Variants in TIAM2 observed in about 807,000 individuals in gnomAD.
TIAM2 encodes the protein rho guanine nucleotide exchange factor TIAM2.
Under a neutral mutation model 152.9 loss-of-function variants are expected in TIAM2, and 80 were observed. The observed-to-expected ratio is 0.52, with a 90% CI of 0.44 to 0.63. The LOEUF (loss-of-function observed/expected upper bound fraction) is 0.63, where lower values mean the gene tolerates loss of function less well. TIAM2 is among the 30% of genes least tolerant of loss of function. The probability of loss-of-function intolerance (pLI) is 0.00; values close to 1 mark genes in which losing one functional copy is unlikely to be tolerated. For synonymous variants in TIAM2, 804 were observed against 838.0 expected (o/e 0.96, Z 0.70); for missense variants, 1,965 against 2,120.1 (o/e 0.93, Z 1.44).
chr6:155,059,867 CAAGTG>C (rs1421341409), intron 1 of TIAM2, among the ~76,000 whole-genome samples: 1 of 152,116 alleles, frequency 6.6e-6, no homozygotes, highest in Non-Finnish European at 1.5e-5. Context: ...AGCTCACACT[CAAGTG>C]GAGAGTATTT....
intron 1 of TIAM2, among the ~76,000 whole-genome samples, chr6:155,039,560 G>A (rs916824019): frequency 7.0e-6 from 1 of 142,704 alleles, no homozygotes; most frequent in Non-Finnish European, 1.5e-5. Context: ...CAGAAGTGGG[G>A]TATAGGTCTG....
intron 5 of TIAM2, among the ~76,000 whole-genome samples, chr6:155,139,705 C>T (rs1035641636): frequency 6.6e-6 from 1 of 152,038 alleles, no homozygotes; most frequent in East Asian, 1.9e-4. Context: ...TTTGGGAGGC[C>T]GAGGCGGGTG....
intron 1 of TIAM2, among the ~76,000 whole-genome samples, chr6:155,032,024 G>A (rs1776831881): frequency 1.3e-5 from 2 of 152,168 alleles, no homozygotes; most frequent in African/African-American, 4.8e-5. Context: ...TGTAAGTACT[G>A]CTTTGGCAGA....
At chr6:155,064,870 T>C (rs1777654848) in intron 1 of TIAM2, among the ~76,000 whole-genome samples, 1 of 146,782 alleles carries the variant, frequency 6.8e-6, no homozygotes, top group African/African-American at 2.5e-5. Context: ...TTGTCCACCC[T>C]TTTCCCTTCC....
chr6:155,094,746 G>GT (rs1195702511), intron 2 of TIAM2, among the ~76,000 whole-genome samples: 2 of 145,402 alleles, frequency 1.4e-5, no homozygotes, highest in African/African-American at 2.5e-5. Context: ...TTGTTTTTTT[G>GT]TTTTTTTGTT....
At chr6:155,072,835 G>T (rs1244068484) in intron 1 of TIAM2, among the ~76,000 whole-genome samples, 1 of 152,174 alleles carries the variant, frequency 6.6e-6, no homozygotes, top group Admixed American at 6.5e-5. Flanking sequence ...TGGGTCAGTT[G>T]TGGGGCAGGG....
chr6:155,117,021 G>A (rs1043990725), intron 2 of TIAM2, among the ~76,000 whole-genome samples: 8 of 151,052 alleles, frequency 5.3e-5, no homozygotes, highest in African/African-American at 2.0e-4. Context: ...GGGGGAGAAA[G>A]GGCAGAGTGG....
chr6:155,100,363 C>T (rs71575017), intron 2 of TIAM2, among the ~76,000 whole-genome samples: 5,290 of 152,216 alleles, frequency 0.035, 210 homozygotes, highest in Admixed American at 0.13. Context: ...GAAATGCTAA[C>T]GGAGAATGGT....
At chr6:155,178,125 C>T (rs1780799594) in intron 10 of TIAM2, among the ~76,000 whole-genome samples, 1 of 147,358 alleles carries the variant, frequency 6.8e-6, no homozygotes, top group Non-Finnish European at 1.5e-5. Context: ...GGCTCCACTG[C>T]ACCCCAGCCT....
chr6:155,046,331 C>CTTTTTTTTTT (rs1164422319), intron 1 of TIAM2, among the ~76,000 whole-genome samples: 2 of 80,812 alleles, frequency 2.5e-5, no homozygotes, highest in African/African-American at 5.2e-5. Flanking sequence ...TTGGCTCTGT[C>CTTTTTTTTTT]TTTTTTTTTT....
At chr6:155,203,460 G>A (rs946911597) in intron 14 of TIAM2, among the ~76,000 whole-genome samples, 1 of 152,138 alleles carries the variant, frequency 6.6e-6, no homozygotes, top group Non-Finnish European at 1.5e-5. Context: ...TAGATTAATA[G>A]CATAATTCAA....
intron 2 of TIAM2, among the ~76,000 whole-genome samples, chr6:155,101,896 G>A (rs1020895363): frequency 6.6e-6 from 1 of 152,070 alleles, no homozygotes; most frequent in Non-Finnish European, 1.5e-5. Context: ...TAGAGATGCG[G>A]TTTCACCATG....
chr6:155,152,428 C>A (rs1019892433), intron 7 of TIAM2, among the ~76,000 whole-genome samples: 1 of 152,138 alleles, frequency 6.6e-6, no homozygotes, highest in Non-Finnish European at 1.5e-5. Context: ...GTTCAGCTCC[C>A]GAGGCAGTGC....
At position 155,218,370 on chromosome 6, in the gene TIAM2, A is replaced by AT. The variant is rs1781922339; in HGVS notation, c.3168+7065dup. On this transcript the variant is annotated intron_variant, in intron 15 of 26. Coordinates refer to ENST00000682666, the MANE Select transcript of TIAM2 (RefSeq NM_012454.4). The surrounding 1 kb of genome is among the most constrained non-coding windows in gnomAD (Gnocchi z 4.5). ...GACAATAATCTGTCACAAAGACCTA[A>AT]TTCCAGGTAGCCCTTTCTTGGAGGC... Among the ~76,000 whole-genome samples the AT allele has an allele frequency of 6.6e-6, 1 of 152,214 alleles. No homozygotes were observed. Among genetic ancestry groups the AT allele is most frequent in the Non-Finnish European group, 1.5e-5 (1 of 68,038 alleles).
chr6:155,183,525 C>G (rs1354660434), intron 14 of TIAM2, 25 bp downstream of exon 14: 5 of 1,579,374 alleles, frequency 3.2e-6, no homozygotes, highest in Non-Finnish European at 4.3e-6. Flanking sequence ...TGTCTTCCTT[C>G]TTAACTGCTG....
At chr6:155,065,177 C>T (rs1212287337) in intron 1 of TIAM2, among the ~76,000 whole-genome samples, 1 of 152,110 alleles carries the variant, frequency 6.6e-6, no homozygotes, top group Non-Finnish European at 1.5e-5. Context: ...TGGTCTCAAA[C>T]TGCTAACCTC....
At chr6:155,049,242 A>G (rs1321176990) in intron 1 of TIAM2, among the ~76,000 whole-genome samples, 1 of 152,052 alleles carries the variant, frequency 6.6e-6, no homozygotes, top group Non-Finnish European at 1.5e-5. Context: ...AACTCTTGCC[A>G]TGGATGCGGA....
rs11455127 is a variant in TIAM2, at chr6:155,257,190, CAAAAAA to C, written c.*85_*90del. Reference sequence around the variant, plus strand: ...TAAACTGGTGGTAAAGTGGAAATTGCAAAAAAAAAAAAAAAAAAAAACTGTTCATTC... The same window carrying C: ...TAAACTGGTGGTAAAGTGGAAATTGCAAAAAAAAAAAAAAACTGTTCATTC... On this transcript the variant is annotated 3_prime_UTR_variant, in exon 27 of 27. Transcript: ENST00000682666. 191 of 547,508 alleles carry C rather than the reference CAAAAAA, an allele frequency of 3.5e-4. No individual in the cohort carries two copies. The highest frequency in any genetic ancestry group is 1.3e-3 in the Middle Eastern group (2 of 1,598). The allele number at this position is 547,508 out of a possible 1,614,324, so 33.9% of individuals were successfully genotyped here. A position where few individuals can be genotyped will look rare whatever the true frequency, so the allele number is the denominator to read the frequency against.
rs745554916 is a variant in TIAM2 at position 155,253,024 on chromosome 6, C to T, written c.4196C>T (p.Ala1399Val). The T allele has an allele frequency of 1.1e-5, 18 of 1,614,030 alleles. No individual in the cohort carries two copies. Among genetic ancestry groups the T allele is most frequent in the East Asian group, 1.1e-4 (5 of 44,908 alleles). ...FKFRWLIPIS[A>V]LQVRLGNPAG... ...TTCCGCTGGTTGATCCCCATCTCCGCGCTTCAAGTCAGACTGGGGAATCCA... is the reference window on the plus strand; with the variant it reads ...TTCCGCTGGTTGATCCCCATCTCCGTGCTTCAAGTCAGACTGGGGAATCCA... Residue 1399 changes from alanine (A) to valine (V), a missense_variant, in exon 24 of 27, where the codon GCG (alanine) becomes GTG (valine). Physicochemically the swap from Ala to Val is moderately conservative, Grantham distance 64. Coordinates refer to ENST00000682666, the MANE Select transcript of TIAM2 (RefSeq NM_012454.4).
Sources: allele counts gnomAD v4.1 joint callset (sites outside exome capture counted in the v4.1 genomes callset), GRCh38; gene constraint gnomAD v4.1.1; non-coding constraint Gnocchi (gnomAD v3.1); transcripts MANE v1.5; gene names NCBI Gene and HGNC (gene_info 2026-07-23, HGNC 2026-07-21).